Variants in PIGN observed in about 807,000 individuals in gnomAD.
PIGN encodes phosphatidylinositol glycan anchor biosynthesis class N.
In PIGN, 117 loss-of-function variants were observed where a neutral mutation model predicts 125.4. The observed-to-expected ratio is 0.93, with a 90% confidence interval of 0.80 to 1.09. The LOEUF (loss-of-function observed/expected upper bound fraction) is 1.09. Among genes scored for constraint, PIGN ranks in the 50% least tolerant of loss-of-function variants. The pLI, the probability that PIGN is intolerant of heterozygous loss-of-function variation, is 0.00. For missense variants in PIGN, 1,075 were observed against 1,094.9 expected (o/e 0.98, Z 0.26); for synonymous variants, 392 against 377.8 (o/e 1.04, Z -0.44).
At chr18:62,069,838 TATG>T (rs887024408) in intron 30 of PIGN, 6 of 152,210 alleles carry the variant, frequency 3.9e-5, no homozygotes, top group Admixed American at 6.5e-5. Flanking sequence ...TAAAAATTGT[TATG>T]ATGACAAATT....
chr18:62,052,895 C>G, intron 30 of PIGN: 1 of 383,890 alleles, frequency 2.6e-6, no homozygotes, highest in Admixed American at 4.5e-5. Flanking sequence ...TAGGGCAGGC[C>G]TGGTGGTGAC....
chr18:62,183,823 T>A (rs2148020604), intron 1 of PIGN, among the ~76,000 whole-genome samples: 1 of 150,812 alleles, frequency 6.6e-6, no homozygotes, highest in South Asian at 2.1e-4. Context: ...CAGAACAAGA[T>A]GTGAAGACTG....
intron 10 of PIGN, 54 bp from the exon 11 acceptor site, chr18:62,143,400 A>C: frequency 8.6e-7 from 1 of 1,167,900 alleles, no homozygotes; most frequent in African/African-American, 1.5e-5. Context: ...AAAAGAATAA[A>C]TCATTTGATT....
chr18:62,128,190 C>CA (rs1252546660), intron 14 of PIGN, among the ~76,000 whole-genome samples: 4 of 151,802 alleles, frequency 2.6e-5, no homozygotes, highest in Non-Finnish European at 4.4e-5. Context: ...ATGACATTAC[C>CA]AAAAAAATAT....
At chr18:62,167,017 C>A (rs184759030) in intron 1 of PIGN, among the ~76,000 whole-genome samples, 1 of 152,052 alleles carries the variant, frequency 6.6e-6, no homozygotes, top group Non-Finnish European at 1.5e-5. Flanking sequence ...TGTATACCTA[C>A]GTAACAAACC....
chr18:62,060,351 C>T (rs1013146179), intron 30 of PIGN, among the ~76,000 whole-genome samples: 1 of 152,044 alleles, frequency 6.6e-6, no homozygotes, highest in Admixed American at 6.5e-5. Flanking sequence ...CATGGAATTG[C>T]CAGGCAGGCC....
At chr18:62,131,726 A>G (rs1312314013) in intron 14 of PIGN, among the ~76,000 whole-genome samples, 1 of 152,216 alleles carries the variant, frequency 6.6e-6, no homozygotes, top group Non-Finnish European at 1.5e-5. Context: ...CAAGCCTAAG[A>G]TAAAGAATCT....
intron 30 of PIGN, among the ~76,000 whole-genome samples, chr18:62,066,003 G>A (rs141013070): frequency 1.6e-3 from 218 of 136,318 alleles, no homozygotes; most frequent in Middle Eastern, 7.2e-3. Context: ...ATTCTCTGTA[G>A]CCCTAGCAAA....
chr18:62,099,662 A>G (rs1371659113), intron 22 of PIGN, among the ~76,000 whole-genome samples: 2 of 152,234 alleles, frequency 1.3e-5, no homozygotes, highest in East Asian at 3.9e-4. Context: ...ATAAATCCAC[A>G]TATTTATAGC....
At chr18:62,112,160 C>T (rs1407555833) in intron 16 of PIGN, among the ~76,000 whole-genome samples, 1 of 152,102 alleles carries the variant, frequency 6.6e-6, no homozygotes, top group Non-Finnish European at 1.5e-5. Context: ...AGATACAATT[C>T]CCATTCCAGC....
rs1320591843 is a variant in PIGN at position 62,162,263 on chromosome 18, C to T, written c.-43G>A. 1.3e-5 allele frequency: 2 copies of T among 151,928 alleles called. No individual in the cohort carries two copies. Among genetic ancestry groups the T allele is most frequent in the African/African-American group, 4.8e-5 (2 of 41,364 alleles). The allele number at this position is 151,928 out of a possible 1,614,324, so 9.4% of individuals were successfully genotyped here. On this transcript the variant is annotated 5_prime_UTR_variant, in exon 3 of 31. Coordinates refer to ENST00000640252, the MANE Select transcript of PIGN (RefSeq NM_176787.5). The stretch of plus-strand genomic sequence containing the variant: ...TGTAAAAGAAGATACCATTAAATTG[C>T]CAAGATCAAACGGAACATGGGAGTA...
At chr18:62,067,101 A>G (rs1209100090) in intron 30 of PIGN, among the ~76,000 whole-genome samples, 1 of 152,142 alleles carries the variant, frequency 6.6e-6, no homozygotes, top group Non-Finnish European at 1.5e-5. Flanking sequence ...GAAAAGCAAC[A>G]ATCTTTCATT....
At chr18:62,125,440 T>C (rs1389988793) in intron 14 of PIGN, among the ~76,000 whole-genome samples, 1 of 152,102 alleles carries the variant, frequency 6.6e-6, no homozygotes, top group African/African-American at 2.4e-5. Context: ...GTTATTATTG[T>C]TCAATTATGT....
At position 62,045,840 on chromosome 18, in the gene PIGN, T is replaced by TGGTG; in HGVS notation, c.*12_*15dup. On this transcript the variant is annotated 3_prime_UTR_variant, in exon 31 of 31. Transcript: ENST00000640252. ...GGAGAATCAGGATCCAGATGCTGAA[T>TGGTG]GGTGCTTCAGCAACCTCACATGAAG... is the stretch of plus-strand genomic sequence containing the variant. The TGGTG allele has an allele frequency of 1.2e-6, 2 of 1,612,778 alleles. No homozygotes were observed. The highest frequency in any genetic ancestry group is 1.7e-6 in the Non-Finnish European group (2 of 1,179,108).
chr18:62,122,927 C>T (rs751765216), intron 14 of PIGN, among the ~76,000 whole-genome samples: 2 of 152,082 alleles, frequency 1.3e-5, no homozygotes, highest in African/African-American at 4.8e-5. Flanking sequence ...TTAATTAACT[C>T]TCATGCCCTT....
chr18:62,045,818 G>C lies in PIGN; in HGVS notation c.*38C>G, dbSNP rs756388509. 1 of 1,607,716 alleles carries C rather than the reference G, an allele frequency of 6.2e-7. No individual in the cohort carries two copies. The highest frequency in any genetic ancestry group is 2.2e-5 in the East Asian group (1 of 44,816). Reference sequence around the variant, plus strand: ...TTGATGAGATTTTAGCTTAAAAGGAGAATCAGGATCCAGATGCTGAATGGT... The same window carrying C: ...TTGATGAGATTTTAGCTTAAAAGGACAATCAGGATCCAGATGCTGAATGGT... On this transcript the variant is annotated 3_prime_UTR_variant, in exon 31 of 31. Transcript: ENST00000640252.
chr18:62,168,424 T>C (rs936823319), intron 1 of PIGN, among the ~76,000 whole-genome samples: 1 of 152,188 alleles, frequency 6.6e-6, no homozygotes, highest in Non-Finnish European at 1.5e-5. Context: ...TTTCCCACTC[T>C]TTCTCTGCTT....
Position 62,088,814 on chromosome 18 carries a change from G to A in PIGN, c.2312C>T (p.Thr771Ile), listed in dbSNP as rs748649004. The change falls in exon 25 of 31, where the codon ACT (threonine) becomes ATT (isoleucine). Residue 771 changes from threonine to isoleucine, a missense_variant. By Grantham distance (89) the Thr-to-Ile change is moderately conservative. Around this residue, in one of 3 missense-constraint regions of PIGN, gnomAD observed 915 missense variants for 908.7 expected, o/e 1.01. Coordinates refer to ENST00000640252, the MANE Select transcript of PIGN (RefSeq NM_176787.5). ...KLTSIQFSYN[T>I]DITQFRQLYL... Reference sequence around the variant, plus strand: ...TAGCTGTCGAAACTGAGTTATATCAGTATTATAAGAGAACTGGATACTGGT... The same window carrying A: ...TAGCTGTCGAAACTGAGTTATATCAATATTATAAGAGAACTGGATACTGGT... 26 of 1,555,682 alleles carry A rather than the reference G, an allele frequency of 1.7e-5. No individual in the cohort carries two copies. The highest frequency in any genetic ancestry group is 2.7e-5 in the African/African-American group (2 of 73,506).
intron 28 of PIGN, among the ~76,000 whole-genome samples, chr18:62,079,193 T>C (rs1238518690): frequency 6.6e-6 from 1 of 152,248 alleles, no homozygotes; most frequent in Non-Finnish European, 1.5e-5. Flanking sequence ...AAAGACCATA[T>C]TAAGGTTTTT....
Sources: allele counts gnomAD v4.1 joint callset (sites outside exome capture counted in the v4.1 genomes callset), GRCh38; gene constraint gnomAD v4.1.1; regional missense constraint gnomAD v4.1.1; transcripts MANE v1.5; gene names NCBI Gene and HGNC (gene_info 2026-07-23, HGNC 2026-07-21).